The following SLC4A8 variants were observed in gnomAD, a reference collection of about 807,000 sequenced individuals.
SLC4A8 encodes electroneutral sodium bicarbonate exchanger 1.
SLC4A8 carries 40 observed loss-of-function variants against 125.0 expected under a neutral mutation model. The ratio of observed to expected loss-of-function variants is 0.32; its 90% CI spans 0.25 to 0.42. The LOEUF (loss-of-function observed/expected upper bound fraction) is 0.42, where lower values mean the gene tolerates loss of function less well. Among genes scored for constraint, SLC4A8 ranks in the 10% least tolerant of loss-of-function variants. The probability of loss-of-function intolerance (pLI) is 1.00; values close to 1 mark genes in which losing one functional copy is unlikely to be tolerated. For missense variants in SLC4A8, 863 were observed against 1,355.1 expected (o/e 0.64, Z 5.70); for synonymous variants, 456 against 476.0 (o/e 0.96, Z 0.55).
chr12:51,391,621 C>CGCAGCT (rs1471377099), intron 1 of SLC4A8: 1 of 152,312 alleles, frequency 6.6e-6, no homozygotes, highest in African/African-American at 2.4e-5. Flanking sequence ...GAGGCAAAGC[C>CGCAGCT]GCAGCCGCGC....
At chr12:51,399,869 C>G (rs1948338088) in intron 1 of SLC4A8, among the ~76,000 whole-genome samples, 1 of 152,112 alleles carries the variant, frequency 6.6e-6, no homozygotes, top group Non-Finnish European at 1.5e-5. Flanking sequence ...ATAATCCCAG[C>G]TACTTGGTAG....
intron 16 of SLC4A8, among the ~76,000 whole-genome samples, chr12:51,485,008 G>A (rs558556675): frequency 6.6e-6 from 1 of 152,254 alleles, no homozygotes; most frequent in South Asian, 2.1e-4. Flanking sequence ...ATACCCCGAG[G>A]TGGGAGTGAG....
Position 51,514,413 on chromosome 12 carries a change from C to A in SLC4A8, c.*6975C>A, listed in dbSNP as rs1938465440. 1 of 152,564 alleles carries A rather than the reference C, an allele frequency of 6.6e-6. No homozygotes were observed. The highest frequency in any genetic ancestry group is 2.4e-5 in the African/African-American group (1 of 41,430). The allele number at this position is 152,564 out of a possible 1,614,324, so 9.5% of individuals were successfully genotyped here. On this transcript the variant is annotated 3_prime_UTR_variant, in exon 25 of 25. Transcript: ENST00000453097. ...CCTTTACTGTCTCGGCTTTTTCAAG[C>A]ACCCCTTTCACCTCTCTTTTCTGCC...
intron 1 of SLC4A8, among the ~76,000 whole-genome samples, chr12:51,408,590 A>G (rs377571374): frequency 7.9e-5 from 12 of 152,300 alleles, no homozygotes; most frequent in African/African-American, 2.6e-4. Context: ...GGCAAAGACC[A>G]GTGCTCCCAG....
Position 51,450,978 on chromosome 12 carries a change from A to G in SLC4A8, c.233A>G (p.Lys78Arg), listed in dbSNP as rs1949946844. The change falls in exon 3 of 25, where the codon AAA (lysine) becomes AGA (arginine). Residue 78 changes from lysine (K) to arginine (R), a missense_variant. Coordinates refer to ENST00000453097, the MANE Select transcript of SLC4A8 (RefSeq NM_001039960.3). ...AAGCACCGGAGACGAGGGCGGGGCA[A>G]AGGAGCCAGCCAGGGGGAGGAAGGC... ...GQKHRRRGRG[K>R]GASQGEEGLE... The G allele has an allele frequency of 5.7e-6, 9 of 1,580,374 alleles. No homozygotes were observed. Among genetic ancestry groups the G allele is most frequent in the Non-Finnish European group, 7.8e-6 (9 of 1,161,206 alleles).
chr12:51,450,683 C>A (rs1331633091), intron 2 of SLC4A8, 193 bp from the exon 3 acceptor site: 3 of 604,402 alleles, frequency 5.0e-6, no homozygotes, highest in East Asian at 5.8e-5. Context: ...ATGTGCAGGA[C>A]AAAGGAAGAG....
At position 51,446,469 on chromosome 12, in the gene SLC4A8, G is replaced by A. The variant is rs567659902; in HGVS notation, c.131-4407G>A. On this transcript the variant is annotated intron_variant, in intron 2 of 24. Transcript: ENST00000453097. The stretch of plus-strand genomic sequence containing the variant: ...AGAAAGGTGTTAGAATGGCATCCAA[G>A]GCACTTTAACCTGACTTGGAAGTGG... Among the ~76,000 whole-genome samples, 20 of 152,322 alleles carry A rather than the reference G, an allele frequency of 1.3e-4. No homozygotes were observed. In the East Asian group the frequency reaches 3.3e-3, roughly 25 times the overall value.
chr12:51,475,379 G>C (rs1408669839), intron 16 of SLC4A8, among the ~76,000 whole-genome samples, 173 bp downstream of exon 16: 1 of 152,170 alleles, frequency 6.6e-6, no homozygotes, highest in Non-Finnish European at 1.5e-5. Flanking sequence ...ATAGATCTGT[G>C]GTTGGGAATG....
At chr12:51,425,536 T>G in intron 1 of SLC4A8, 3 of 591,694 alleles carry the variant, frequency 5.1e-6, no homozygotes, top group Non-Finnish European at 4.3e-6. Flanking sequence ...TGACCCGGTT[T>G]GTGACTCCCT....
In SLC4A8 at chr12:51,512,844, C is replaced by T. The variant is rs985515223; in HGVS notation, c.*5406C>T. 1.3e-5 allele frequency: 2 copies of T among 152,118 alleles called. No individual in the cohort carries two copies. The highest frequency in any genetic ancestry group is 2.9e-5 in the Non-Finnish European group (2 of 68,024). The allele number at this position is 152,118 out of a possible 1,614,324, so 9.4% of individuals were successfully genotyped here. On this transcript the variant is annotated 3_prime_UTR_variant, in exon 25 of 25. Transcript: ENST00000453097. ...AGTAATTTGAGAACAAATACAGATT[C>T]ATCTATGGGAAAAGATGTTTAAACT... is the stretch of plus-strand genomic sequence containing the variant.
At chr12:51,496,905 G>A in intron 21 of SLC4A8, 82 bp from the exon 22 acceptor site, 1 of 1,385,996 alleles carries the variant, frequency 7.2e-7, no homozygotes, top group East Asian at 2.3e-5. Context: ...GTCCTAGTCT[G>A]CTGTGAAAAT....
chr12:51,486,595 C>G (rs970108368), intron 17 of SLC4A8, among the ~76,000 whole-genome samples: 3 of 152,146 alleles, frequency 2.0e-5, no homozygotes, highest in African/African-American at 4.8e-5. Flanking sequence ...GATAGAAAAG[C>G]TGAGCTCAGT....
intron 17 of SLC4A8, 128 bp from the exon 18 acceptor site, chr12:51,488,569 GCC>G: frequency 3.2e-6 from 2 of 624,994 alleles, no homozygotes; most frequent in South Asian, 5.1e-5. Flanking sequence ...TGTATTTCAT[GCC>G]TTTTTTTTTT....
At chr12:51,420,985 T>C (rs1378086007), upstream of SLC4A8, among the ~76,000 whole-genome samples, 1 of 152,156 alleles carries the variant, frequency 6.6e-6, no homozygotes, top group African/African-American at 2.4e-5. Context: ...AGGCTATCCA[T>C]GTAGCATGCC....
upstream of SLC4A8, among the ~76,000 whole-genome samples, chr12:51,423,375 G>A (rs1948838253): frequency 6.6e-6 from 1 of 152,124 alleles, no homozygotes; most frequent in South Asian, 2.1e-4. Context: ...TTTGAAGGAT[G>A]GTTAAGATTT....
chr12:51,442,278 TG>T (rs1227943445), intron 2 of SLC4A8, among the ~76,000 whole-genome samples: 8 of 152,328 alleles, frequency 5.3e-5, no homozygotes, highest in South Asian at 2.1e-4. Flanking sequence ...ATGTTGCTCT[TG>T]CCTCTTCTTC....
rs138281763 is a variant in SLC4A8 at position 51,406,907 on chromosome 12, G to A, written c.-112+15419G>A. 3.9e-3 allele frequency among the ~76,000 whole-genome samples: 601 copies of A among 152,360 alleles called. 3 individuals carry two copies. The highest frequency in any genetic ancestry group is 0.01 in the Middle Eastern group (3 of 294). ...GTTCTCCCTGCAGAAGCCGGGCAACGTTTGAGGCCTGTGAAAGGAAGTGGA... is the reference window on the plus strand; with the variant it reads ...GTTCTCCCTGCAGAAGCCGGGCAACATTTGAGGCCTGTGAAAGGAAGTGGA... On this transcript the variant is annotated intron_variant, in intron 1 of 24. Coordinates refer to the SLC4A8 transcript ENST00000358657.
At chr12:51,471,585 A>G (rs1387046201) in intron 14 of SLC4A8, 53 bp downstream of exon 14, 1 of 1,580,624 alleles carries the variant, frequency 6.3e-7, no homozygotes, top group African/African-American at 1.3e-5. Context: ...CCTGAGTTTA[A>G]TTGCTGATGT....
chr12:51,452,012 C>T, intron 3 of SLC4A8, 112 bp from the exon 4 acceptor site: 2 of 964,504 alleles, frequency 2.1e-6, no homozygotes, highest in Admixed American at 2.3e-5. Context: ...TCTTTTTCTT[C>T]TGCATTCGTG....
Sources: gnomAD v4.1 joint callset for allele counts (sites outside exome capture counted in the v4.1 genomes callset) on GRCh38, gnomAD v4.1.1 for gene constraint, MANE v1.5 for transcripts, NCBI Gene and HGNC (gene_info 2026-07-23, HGNC 2026-07-21) for gene names.